The following DLG2 variants were observed in gnomAD, a reference collection of about 807,000 sequenced individuals.
DLG2 encodes the protein disks large homolog 2.
In DLG2, 45 loss-of-function variants were observed where a neutral mutation model predicts 132.5. That is an observed-to-expected ratio of 0.34 (90% CI 0.27 to 0.44). The LOEUF (loss-of-function observed/expected upper bound fraction) is 0.44. DLG2 is among the 20% of genes least tolerant of loss of function. The pLI, the probability that DLG2 is intolerant of heterozygous loss-of-function variation, is 1.00. For missense variants in DLG2, 1,045 were observed against 1,196.9 expected (o/e 0.87, Z 1.87); for synonymous variants, 424 against 419.6 (o/e 1.01, Z -0.13).
At position 84,077,606 on chromosome 11, in the gene DLG2, T is replaced by A. The variant is rs1244459755; in HGVS notation, c.750-18122A>T. Among the ~76,000 whole-genome samples, 3 of 152,362 alleles carry A rather than the reference T, an allele frequency of 2.0e-5. No homozygotes were observed. In the South Asian group the frequency reaches 6.2e-4, roughly 32 times the overall value. On this transcript the variant is annotated intron_variant, in intron 10 of 27. Coordinates refer to ENST00000376104, the MANE Select transcript of DLG2 (RefSeq NM_001142699.3). ...GTTTTAGGCTGACAATTGTTATAAA[T>A]TTAAATAGTAGCAAAGGATATCATT...
intron 10 of DLG2, among the ~76,000 whole-genome samples, chr11:84,067,267 G>T (rs886501041): frequency 6.6e-6 from 1 of 151,996 alleles, no homozygotes; most frequent in Non-Finnish European, 1.5e-5. Flanking sequence ...ACTGGAGGCG[G>T]GGGTTGCTGT....
chr11:85,172,823 C>A (rs191544468), intron 4 of DLG2, among the ~76,000 whole-genome samples: 1 of 151,916 alleles, frequency 6.6e-6, no homozygotes, highest in Non-Finnish European at 1.5e-5. Context: ...TGTTACAATG[C>A]GACCACAAGT....
At chr11:85,203,021 A>G (rs372193723) in intron 4 of DLG2, among the ~76,000 whole-genome samples, 1 of 150,418 alleles carries the variant, frequency 6.6e-6, no homozygotes, top group Non-Finnish European at 1.5e-5. Flanking sequence ...ATTATTAAAT[A>G]AACTTAATAT....
intron 3 of DLG2, among the ~76,000 whole-genome samples, chr11:85,548,290 CCT>C (rs1282930067): frequency 6.6e-6 from 1 of 152,140 alleles, no homozygotes; most frequent in Non-Finnish European, 1.5e-5. Context: ...CACTCCAGAC[CCT>C]GTTTGCCTGG....
intron 19 of DLG2, among the ~76,000 whole-genome samples, chr11:83,600,650 G>T (rs1400614092): frequency 1.3e-5 from 2 of 152,142 alleles, no homozygotes; most frequent in Non-Finnish European, 2.9e-5. Context: ...TGGGGCCTCT[G>T]CCCTGGGGTG....
At chr11:84,933,858 T>C (rs1194086605) in intron 6 of DLG2, among the ~76,000 whole-genome samples, 2 of 152,208 alleles carry the variant, frequency 1.3e-5, no homozygotes, top group African/African-American at 4.8e-5. Context: ...TTTATTTCCT[T>C]CTCTTTCCTC....
At chr11:84,112,483 C>A (rs1354638769) in intron 9 of DLG2, among the ~76,000 whole-genome samples, 1 of 151,384 alleles carries the variant, frequency 6.6e-6, no homozygotes, top group African/African-American at 2.4e-5. Context: ...AAAACAATAT[C>A]TTTTTACTCT....
intron 19 of DLG2, among the ~76,000 whole-genome samples, chr11:83,621,886 T>C (rs12291033): frequency 0.17 from 26,279 of 152,008 alleles, 2,457 homozygotes; most frequent in Non-Finnish European, 0.19. Context: ...TATGCTCTGC[T>C]CTCACTGTCT....
intron 4 of DLG2, among the ~76,000 whole-genome samples, chr11:85,237,382 C>A (rs1020191560): frequency 4.6e-5 from 7 of 151,910 alleles, no homozygotes; most frequent in Non-Finnish European, 7.4e-5. Context: ...GAACCAAGTA[C>A]AATAATTAAA....
At chr11:84,123,819 G>T (rs2094035309) in intron 9 of DLG2, among the ~76,000 whole-genome samples, 1 of 152,060 alleles carries the variant, frequency 6.6e-6, no homozygotes, top group Admixed American at 6.5e-5. Context: ...CCATAAGCAG[G>T]TCTACTTACC....
intron 16 of DLG2, among the ~76,000 whole-genome samples, chr11:83,868,609 C>A (rs1172397640): frequency 6.6e-6 from 1 of 151,780 alleles, no homozygotes; most frequent in African/African-American, 2.4e-5. Context: ...TAAAAATAGA[C>A]AAAAATCCTT....
In DLG2 at chr11:83,620,869, C is replaced by CAAAAAAAAAA. The variant is rs56868518; in HGVS notation, c.1940+12332_1940+12341dup. 8.1e-3 allele frequency among the ~76,000 whole-genome samples: 462 copies of CAAAAAAAAAA among 57,204 alleles called. 60 individuals carry two copies. The highest frequency in any genetic ancestry group is 0.043 in the African/African-American group (429 of 10,092). The allele number at this position is 57,204 out of a possible 152,430, so 37.5% of individuals were successfully genotyped here. On this transcript the variant is annotated intron_variant, in intron 19 of 27. Coordinates refer to ENST00000376104, the MANE Select transcript of DLG2 (RefSeq NM_001142699.3). ...TGGGCGACAGAGCGAGACTCCGTCT[C>CAAAAAAAAAA]AAAAAAAAAAAAAAAAAAAAAAAAA...
At chr11:84,640,615 G>C (rs762178333) in intron 6 of DLG2, 10 of 243,330 alleles carry the variant, frequency 4.1e-5, no homozygotes, top group Admixed American at 1.5e-4. Context: ...TGATTCCTAA[G>C]ACCTATTTGT....
At chr11:83,626,785 T>C (rs2062610717) in intron 19 of DLG2, among the ~76,000 whole-genome samples, 1 of 152,202 alleles carries the variant, frequency 6.6e-6, no homozygotes, top group Admixed American at 6.5e-5. Context: ...CTTTCTATCA[T>C]GTGGCTTCTA....
intron 6 of DLG2, among the ~76,000 whole-genome samples, chr11:84,861,845 C>T (rs2083743707): frequency 6.6e-6 from 1 of 151,960 alleles, no homozygotes; most frequent in Admixed American, 6.6e-5. Context: ...GAACAACAAA[C>T]ATATGAAGAA....
At chr11:84,297,200 A>G (rs1194445717) in intron 7 of DLG2, among the ~76,000 whole-genome samples, 2 of 152,074 alleles carry the variant, frequency 1.3e-5, no homozygotes, top group African/African-American at 4.8e-5. Flanking sequence ...AATTGAATCA[A>G]TCAGAAGTTT....
At chr11:84,803,576 A>T (rs2075668655) in intron 6 of DLG2, among the ~76,000 whole-genome samples, 1 of 152,220 alleles carries the variant, frequency 6.6e-6, no homozygotes, top group Non-Finnish European at 1.5e-5. Context: ...TACACCTTAC[A>T]CTACATGACT....
chr11:84,539,385 T>A (rs1273070024), intron 6 of DLG2, among the ~76,000 whole-genome samples: 1 of 152,206 alleles, frequency 6.6e-6, no homozygotes, highest in East Asian at 1.9e-4. Flanking sequence ...ACCCTAACAT[T>A]CTGGGTAATT....
intron 6 of DLG2, among the ~76,000 whole-genome samples, chr11:84,979,209 C>T (rs2055367617): frequency 6.6e-6 from 1 of 150,522 alleles, no homozygotes; most frequent in Non-Finnish European, 1.5e-5. Flanking sequence ...TACAGTCACA[C>T]ACCTGTAAAC....
Sources: allele counts gnomAD v4.1 joint callset (sites outside exome capture counted in the v4.1 genomes callset), GRCh38; gene constraint gnomAD v4.1.1; transcripts MANE v1.5; gene names NCBI Gene and HGNC (gene_info 2026-07-23, HGNC 2026-07-21).